Variants in ANKRD12 observed in about 807,000 individuals in gnomAD.
ANKRD12 encodes the protein ankyrin repeat domain-containing protein 12.
Under a neutral mutation model 183.4 loss-of-function variants are expected in ANKRD12, and 85 were observed. The observed-to-expected ratio is 0.46, with a 90% CI of 0.39 to 0.56. The LOEUF (loss-of-function observed/expected upper bound fraction) is 0.56. ANKRD12 is among the 20% of genes least tolerant of loss of function. The probability of loss-of-function intolerance (pLI) is 0.00; values close to 1 mark genes in which losing one functional copy is unlikely to be tolerated. For missense variants in ANKRD12, 2,405 were observed against 2,357.1 expected (o/e 1.02, Z -0.42); for synonymous variants, 914 against 800.2 (o/e 1.14, Z -2.40).
At chr18:9,241,575 T>G (rs558208403) in intron 8 of ANKRD12, among the ~76,000 whole-genome samples, 1 of 152,290 alleles carries the variant, frequency 6.6e-6, no homozygotes, top group East Asian at 1.9e-4. Flanking sequence ...ATCCCTGTGA[T>G]GTGAGTGCTT....
intron 1 of ANKRD12, among the ~76,000 whole-genome samples, chr18:9,144,113 ACAT>A (rs1469999007): frequency 2.0e-5 from 3 of 152,158 alleles, no homozygotes; most frequent in African/African-American, 4.8e-5. Context: ...GTGACTTGAC[ACAT>A]CATATCCTGT....
intron 1 of ANKRD12, among the ~76,000 whole-genome samples, chr18:9,151,970 C>T (rs2078699636): frequency 1.3e-5 from 2 of 152,140 alleles, no homozygotes; most frequent in Non-Finnish European, 2.9e-5. Context: ...CATCCCAGCA[C>T]TTTTGAGAGG....
Position 9,193,729 on chromosome 18 carries a change from A to G in ANKRD12, c.88-1822A>G, listed in dbSNP as rs371395579. On this transcript the variant is annotated intron_variant, in intron 2 of 12. Coordinates refer to ENST00000262126, the MANE Select transcript of ANKRD12 (RefSeq NM_015208.5). The stretch of plus-strand genomic sequence containing the variant: ...CTGGTATCTTTTATAGTCTGAATCT[A>G]CTTTTCATTTGCTTTTGAGAGTTTC... 5.9e-5 allele frequency among the ~76,000 whole-genome samples: 9 copies of G among 152,190 alleles called. No homozygotes were observed. The East Asian group carries it at 9.6e-4, about 16-fold the overall frequency.
At chr18:9,184,565 T>A (rs951877804) in intron 2 of ANKRD12, among the ~76,000 whole-genome samples, 3 of 152,042 alleles carry the variant, frequency 2.0e-5, no homozygotes, top group Non-Finnish European at 2.9e-5. Context: ...GAGATAGGGT[T>A]TCATCATGTC....
intron 8 of ANKRD12, among the ~76,000 whole-genome samples, chr18:9,245,767 T>C (rs1204639438): frequency 6.6e-6 from 1 of 152,218 alleles, no homozygotes; most frequent in African/African-American, 2.4e-5. Context: ...CCTAGATTTT[T>C]GTGGCAGGGT....
intron 1 of ANKRD12, among the ~76,000 whole-genome samples, chr18:9,164,512 T>C (rs780327673): frequency 2.6e-5 from 4 of 152,200 alleles, no homozygotes; most frequent in Non-Finnish European, 4.4e-5. Context: ...TTTGGTATCT[T>C]CCTAGCTTTT....
chr18:9,252,686 T>A (rs2038369251), intron 8 of ANKRD12, among the ~76,000 whole-genome samples: 1 of 152,216 alleles, frequency 6.6e-6, no homozygotes, highest in Admixed American at 6.5e-5. Flanking sequence ...GGCTGGGTGC[T>A]GGGTACAGTG....
rs759760717 is a variant in ANKRD12, at chr18:9,216,942, A to G, written c.795+42A>G. ...AAAATCAATAATACACATTTGCAAA[A>G]TATAAATTCAACCCAAAGTAATTTC... On this transcript the variant is annotated intron_variant, in intron 7 of 12. Coordinates refer to ENST00000262126, the MANE Select transcript of ANKRD12 (RefSeq NM_015208.5). The G allele has an allele frequency of 1.1e-5, 17 of 1,579,716 alleles. No individual in the cohort carries two copies. The Admixed American group carries it at 2.3e-4, about 21-fold the overall frequency.
In ANKRD12 at chr18:9,257,996, G is replaced by A. The variant is rs917114641; in HGVS notation, c.4729G>A (p.Glu1577Lys). The A allele has an allele frequency of 6.2e-7, 1 of 1,613,684 alleles. No homozygotes were observed. The highest frequency in any genetic ancestry group is 8.5e-7 in the Non-Finnish European group (1 of 1,179,910). Residue 1577 changes from glutamate (E) to lysine (K), a missense_variant, in exon 9 of 13, where the codon GAG becomes AAG. Transcript: ENST00000262126. ...STIQEASPNF[E>K]KAYTLPVLPS... ...TATTCAAGAAGCATCACCAAACTTT[G>A]AGAAAGCTTATACTTTACCTGTGTT...
intron 8 of ANKRD12, among the ~76,000 whole-genome samples, chr18:9,228,846 G>T (rs1280369720): frequency 6.7e-6 from 1 of 150,358 alleles, no homozygotes; most frequent in Non-Finnish European, 1.5e-5. Flanking sequence ...TTTGTTTCCT[G>T]TGCATTTGAG....
In ANKRD12 at chr18:9,216,720, C is replaced by T. The variant is rs372609879; in HGVS notation, c.653-38C>T. On this transcript the variant is annotated intron_variant, in intron 6 of 12. Transcript: ENST00000262126. ...ATGAAAAGCATATATTTTGAAGTAG[C>T]GCAAGTGAATCATGTTAAATTAATA... is the stretch of plus-strand genomic sequence containing the variant. 6.5e-5 allele frequency: 104 copies of T among 1,600,472 alleles called. No homozygotes were observed. In the African/African-American group the frequency reaches 7.3e-4, roughly 11 times the overall value.
rs1258532311 is a variant in ANKRD12 at position 9,175,313 on chromosome 18, TC to T, written c.-51-7065del. ...GATATGCAAATTCTATTATTTCTGT[TC>T]CCCATAGTCCTCTAGGCCACATTGG... On this transcript the variant is annotated intron_variant, in intron 1 of 12. Coordinates refer to ENST00000262126, the MANE Select transcript of ANKRD12 (RefSeq NM_015208.5). Among the ~76,000 whole-genome samples, 3 of 152,120 alleles carry T rather than the reference TC, an allele frequency of 2.0e-5. No homozygotes were observed. In the East Asian group the frequency reaches 5.8e-4, roughly 29 times the overall value.
Position 9,254,957 on chromosome 18 carries a change from A to G in ANKRD12, c.1690A>G (p.Lys564Glu). The G allele has an allele frequency of 6.2e-7, 1 of 1,607,536 alleles. No homozygotes were observed. The highest frequency in any genetic ancestry group is 8.5e-7 in the Non-Finnish European group (1 of 1,177,660). The change falls in exon 9 of 13, where the codon AAA becomes GAA. Residue 564 changes from lysine (K) to glutamate (E), a missense_variant. This residue lies in a region of ANKRD12 where 1,983 missense variants were observed against 1,725.9 expected (regional missense o/e 1.15). Coordinates refer to ENST00000262126, the MANE Select transcript of ANKRD12 (RefSeq NM_015208.5). ...AACACCACTAAAACAAGAACATACT[A>G]AAACATGTTTATCACCAGGAAGTTC... is the stretch of plus-strand genomic sequence containing the variant. ...QSTPLKQEHT[K>E]TCLSPGSSEM...
chr18:9,238,789 A>G (rs1385319610), intron 8 of ANKRD12, among the ~76,000 whole-genome samples: 1 of 152,258 alleles, frequency 6.6e-6, no homozygotes, highest in East Asian at 1.9e-4. Context: ...AATAAAGATC[A>G]TAATAGCTGA....
At chr18:9,227,765 T>C (rs1362671059) in intron 8 of ANKRD12, among the ~76,000 whole-genome samples, 1 of 152,198 alleles carries the variant, frequency 6.6e-6, no homozygotes, top group Non-Finnish European at 1.5e-5. Context: ...GTGAGGGTAA[T>C]TGGGGTATCC....
chr18:9,192,290 C>A (rs1397376909), intron 2 of ANKRD12, among the ~76,000 whole-genome samples: 1 of 152,140 alleles, frequency 6.6e-6, no homozygotes, highest in Non-Finnish European at 1.5e-5. Flanking sequence ...AGATGTTATT[C>A]TTGTCACTTT....
At chr18:9,168,181 T>A (rs2032289388) in intron 1 of ANKRD12, among the ~76,000 whole-genome samples, 1 of 152,100 alleles carries the variant, frequency 6.6e-6, no homozygotes, top group African/African-American at 2.4e-5. Context: ...AAAATTCTCT[T>A]TTTTTTGTTG....
Position 9,211,789 on chromosome 18 carries a change from G to GAC in ANKRD12, c.652+6_652+7dup. On this transcript the variant is annotated splice_donor_region_variant and intron_variant, in intron 6 of 12. Transcript: ENST00000262126. ...TGAATGTGAAAGATTTTGCAGGTAA[G>GAC]ACTAGTAATTCAATACCTACTATTC... 2 of 1,610,866 alleles carry GAC rather than the reference G, an allele frequency of 1.2e-6. No homozygotes were observed. Among genetic ancestry groups the GAC allele is most frequent in the South Asian group, 2.2e-5 (2 of 90,894 alleles).
intron 8 of ANKRD12, among the ~76,000 whole-genome samples, chr18:9,253,966 A>C (rs1402736500): frequency 6.6e-6 from 1 of 152,226 alleles, no homozygotes; most frequent in Non-Finnish European, 1.5e-5. Context: ...TTTAACATAT[A>C]CTGTGCTTTT....
Sources: allele counts gnomAD v4.1 joint callset (sites outside exome capture counted in the v4.1 genomes callset), GRCh38; gene constraint gnomAD v4.1.1; regional missense constraint gnomAD v4.1.1; transcripts MANE v1.5; gene names NCBI Gene and HGNC (gene_info 2026-07-23, HGNC 2026-07-21).